DSC3: variants seen among roughly 807,000 people sequenced by gnomAD.
DSC3 encodes the protein desmocollin-3.
Under a neutral mutation model 89.5 loss-of-function variants are expected in DSC3, and 97 were observed. The observed-to-expected ratio is 1.08, with a 90% confidence interval of 0.92 to 1.28. DSC3 has a LOEUF of 1.28. Among genes scored for constraint, DSC3 ranks in the 50% most tolerant of loss-of-function variants. The pLI is 0.00. For missense variants in DSC3, 1,199 were observed against 1,085.3 expected (o/e 1.10, Z -1.47); for synonymous variants, 436 against 384.1 (o/e 1.14, Z -1.58).
At chr18:31,021,973 A>G (rs1231464918) in intron 7 of DSC3, among the ~76,000 whole-genome samples, 1 of 149,640 alleles carries the variant, frequency 6.7e-6, no homozygotes, top group Admixed American at 6.7e-5. Flanking sequence ...TAATAATTAA[A>G]GTAGAAATCA....
At position 31,025,951 on chromosome 18, in the gene DSC3, AC is replaced by A. The variant is rs776500478; in HGVS notation, c.475-37del. 5.7e-6 allele frequency: 9 copies of A among 1,581,092 alleles called. No homozygotes were observed. The East Asian group carries it at 9.0e-5, about 16-fold the overall frequency. On this transcript the variant is annotated intron_variant, in intron 4 of 15. Coordinates refer to ENST00000360428, the MANE Select transcript of DSC3 (RefSeq NM_001941.5). ...AAAAAAAATATGCAAAAAAATTAAA[AC>A]TAAATTCAGTTACAATATTTTTTAA...
intron 6 of DSC3, among the ~76,000 whole-genome samples, chr18:31,023,727 C>T (rs1057354900): frequency 6.6e-6 from 1 of 152,100 alleles, no homozygotes; most frequent in Non-Finnish European, 1.5e-5. Context: ...TATTACAAGT[C>T]TCAGAAGCCA....
In DSC3 at chr18:30,989,769, T is replaced by C. The variant is rs1217541898; in HGVS notation, c.*4406A>G. Among the ~76,000 whole-genome samples, 4 of 152,126 alleles carry C rather than the reference T, an allele frequency of 2.6e-5. No homozygotes were observed. Among genetic ancestry groups the C allele is most frequent in the Non-Finnish European group, 5.9e-5 (4 of 68,006 alleles). On this transcript the variant is annotated 3_prime_UTR_variant, in exon 16 of 16. Transcript: ENST00000360428. ...TTCTGCCCATGAAACCAAGCCTAATTCTAAATAATATAAGAGCCAAAATAA... is the reference window on the plus strand; with the variant it reads ...TTCTGCCCATGAAACCAAGCCTAATCCTAAATAATATAAGAGCCAAAATAA...
In DSC3 at chr18:31,011,316, T is replaced by C. The variant is rs1285280215; in HGVS notation, c.1264-2791A>G. Among the ~76,000 whole-genome samples, 5 of 152,232 alleles carry C rather than the reference T, an allele frequency of 3.3e-5. No homozygotes were observed. The South Asian group carries it at 8.3e-4, about 25-fold the overall frequency. Reference sequence around the variant, plus strand: ...AGAGGCGAATGAAGGGAATAAATGCTGTATGTTTTTGTTAACAGCCAATAT... The same window carrying C: ...AGAGGCGAATGAAGGGAATAAATGCCGTATGTTTTTGTTAACAGCCAATAT... On this transcript the variant is annotated intron_variant, in intron 9 of 15. Coordinates refer to ENST00000360428, the MANE Select transcript of DSC3 (RefSeq NM_001941.5).
intron 9 of DSC3, among the ~76,000 whole-genome samples, chr18:31,009,107 G>A (rs1984970844): frequency 6.6e-6 from 1 of 152,136 alleles, no homozygotes. Flanking sequence ...CTGGAGAGCA[G>A]TGGCGCAATC....
chr18:31,034,842 T>A (rs1382221707), intron 1 of DSC3, among the ~76,000 whole-genome samples: 4 of 152,168 alleles, frequency 2.6e-5, no homozygotes, highest in African/African-American at 9.7e-5. Flanking sequence ...AGGCTTATTT[T>A]TAAGGTGATG....
At chr18:30,995,726 C>A (rs1567947371) in intron 15 of DSC3, among the ~76,000 whole-genome samples, 1 of 152,026 alleles carries the variant, frequency 6.6e-6, no homozygotes, top group Non-Finnish European at 1.5e-5. Context: ...AATCCCGGCA[C>A]TTTGGGAGGC....
intron 4 of DSC3, among the ~76,000 whole-genome samples, chr18:31,026,124 G>A (rs1985591309): frequency 6.6e-6 from 1 of 152,056 alleles, no homozygotes; most frequent in Admixed American, 6.6e-5. Context: ...ACCCTAGGAA[G>A]AAAACTGACA....
At chr18:31,022,098 A>T (rs1271175038) in intron 7 of DSC3, among the ~76,000 whole-genome samples, 1 of 151,924 alleles carries the variant, frequency 6.6e-6, no homozygotes, top group African/African-American at 2.4e-5. Flanking sequence ...TTATAATGAA[A>T]TTTTTTCTTT....
intron 1 of DSC3, among the ~76,000 whole-genome samples, chr18:31,034,437 TGTAAA>T (rs1031921238): frequency 6.6e-6 from 1 of 152,144 alleles, no homozygotes; most frequent in Non-Finnish European, 1.5e-5. Context: ...CTGGAGGAAA[TGTAAA>T]GTGGTGCAGA....
chr18:30,998,792 A>G (rs1984558473), intron 14 of DSC3, among the ~76,000 whole-genome samples: 2 of 152,328 alleles, frequency 1.3e-5, no homozygotes, highest in East Asian at 3.9e-4. Context: ...AACAACAACA[A>G]CAGAAAAATC....
In DSC3 at chr18:31,029,630, T is replaced by C. The variant is rs781615212; in HGVS notation, c.355-2A>G. On this transcript the variant is annotated splice_acceptor_variant, in intron 3 of 15. Transcript: ENST00000360428. LOFTEE classifies it high-confidence loss of function. ...TCTAGTGTGTCTTGTCTTCGATACC[T>C]GAATTTAGAGAAAAACAAATACATG... 1.2e-5 allele frequency: 20 copies of C among 1,613,660 alleles called. 1 individual carries two copies. In the South Asian group the frequency reaches 2.1e-4, roughly 17 times the overall value.
intron 4 of DSC3, among the ~76,000 whole-genome samples, chr18:31,027,517 A>G (rs750548913): frequency 9.7e-6 from 1 of 103,614 alleles, no homozygotes; most frequent in Non-Finnish European, 2.1e-5. Context: ...CCTTTTCTGC[A>G]ATAGCATATG....
intron 7 of DSC3, 77 bp from the exon 8 acceptor site, chr18:31,018,877 C>A: frequency 1.6e-6 from 2 of 1,288,852 alleles, no homozygotes; most frequent in South Asian, 1.2e-5. Flanking sequence ...ATTGCACACT[C>A]ACTCACTCAC....
chr18:31,010,828 G>T (rs761809560), intron 9 of DSC3, among the ~76,000 whole-genome samples: 4 of 152,176 alleles, frequency 2.6e-5, no homozygotes, highest in Non-Finnish European at 5.9e-5. Flanking sequence ...AGTTTACCCA[G>T]AACACAGCAA....
At chr18:31,013,664 G>A (rs1413502885) in intron 9 of DSC3, among the ~76,000 whole-genome samples, 1 of 152,050 alleles carries the variant, frequency 6.6e-6, no homozygotes, top group African/African-American at 2.4e-5. Context: ...ATATTCAATG[G>A]CGTCTTCATA....
chr18:31,013,389 A>G (rs1985134981), intron 9 of DSC3, among the ~76,000 whole-genome samples: 1 of 152,124 alleles, frequency 6.6e-6, no homozygotes, highest in African/African-American at 2.4e-5. Context: ...ATGCTTTCAT[A>G]ATGTCAATAC....
intron 2 of DSC3, 33 bp from the exon 3 acceptor site, chr18:31,031,205 A>T (rs1362235506): frequency 5.9e-5 from 88 of 1,479,406 alleles, no homozygotes; most frequent in Non-Finnish European, 8.1e-5. Context: ...TGTAAGGTAA[A>T]AACACATGAG....
At chr18:31,024,558 T>C (rs1216504918) in intron 5 of DSC3, 65 bp from the exon 6 acceptor site, 2 of 1,539,804 alleles carry the variant, frequency 1.3e-6, no homozygotes, top group African/African-American at 2.7e-5. Context: ...TAAGATGCTT[T>C]ATCTACTACC....
Sources: gnomAD v4.1 joint callset for allele counts (sites outside exome capture counted in the v4.1 genomes callset) on GRCh38, gnomAD v4.1.1 for gene constraint, MANE v1.5 for transcripts, NCBI Gene and HGNC (gene_info 2026-07-23, HGNC 2026-07-21) for gene names.